The following ABCG8 variants were observed in gnomAD, a reference collection of about 807,000 sequenced individuals.
ABCG8 encodes ATP binding cassette subfamily G member 8.
A neutral mutation model predicts 71.3 loss-of-function variants in ABCG8; 81 were observed. That is an observed-to-expected ratio of 1.14 (90% CI 0.95 to 1.37). ABCG8 has a LOEUF of 1.37. Ranked by LOEUF, ABCG8 falls within the 40% of genes most tolerant of loss-of-function variation. The pLI is 0.00. For missense variants in ABCG8, 1,119 were observed against 866.2 expected, an observed-to-expected ratio of 1.29 and a Z score of -3.66; for synonymous variants, 451 against 354.7, an observed-to-expected ratio of 1.27 and a Z score of -3.05.
At chr2:43,870,002 G>T (rs749436541) in intron 6 of ABCG8, among the ~76,000 whole-genome samples, 2 of 151,964 alleles carry the variant, frequency 1.3e-5, no homozygotes, top group African/African-American at 2.4e-5. Flanking sequence ...TATCTGGATA[G>T]AATTCTCACC....
intron 8 of ABCG8, 97 bp from the exon 9 acceptor site, chr2:43,873,690 T>C (rs1203458685): frequency 4.0e-6 from 5 of 1,246,654 alleles, no homozygotes; most frequent in African/African-American, 1.5e-5. Flanking sequence ...CCATTTTGCA[T>C]AGGAGAAAAA....
chr2:43,877,709 G>A (rs777393753), intron 12 of ABCG8, 21 bp downstream of exon 12: 1 of 1,614,046 alleles, frequency 6.2e-7, no homozygotes, highest in Non-Finnish European at 8.5e-7. Flanking sequence ...AAGGCCTCGG[G>A]TTCTAAATTA....
In ABCG8 at chr2:43,846,172, G is replaced by T. The variant is rs1668736742; in HGVS notation, c.183G>T (p.Gln61His). Residue 61 changes from glutamine to histidine, a missense_variant, in exon 3 of 13, where the codon CAG becomes CAT. By Grantham distance (24) the Gln-to-His change is conservative. Coordinates refer to ENST00000272286, the MANE Select transcript of ABCG8 (RefSeq NM_022437.3). ...DLNYQVDLAS[Q>H]VPWFEQLAQF... is the part of the protein sequence containing the mutation. ...CCCCACAGGTGGACCTGGCCTCTCA[G>T]GTCCCTTGGTTTGAGCAGCTGGCTC... The T allele has an allele frequency of 3.7e-6, 6 of 1,613,644 alleles. No homozygotes were observed. Among genetic ancestry groups the T allele is most frequent in the Non-Finnish European group, 5.1e-6 (6 of 1,180,018 alleles).
intron 3 of ABCG8, among the ~76,000 whole-genome samples, chr2:43,850,746 C>G (rs1021860959): frequency 6.6e-6 from 1 of 152,100 alleles, no homozygotes; most frequent in Non-Finnish European, 1.5e-5. Context: ...AACCCTGTCT[C>G]TACTAAAAAT....
At chr2:43,877,130 A>T in intron 11 of ABCG8, among the ~76,000 whole-genome samples, 1 of 150,696 alleles carries the variant, frequency 6.6e-6, no homozygotes, top group East Asian at 2.0e-4. Flanking sequence ...ATATGGGGAG[A>T]CCGTGGGAAT....
At chr2:43,861,084 A>G (rs1445845614) in intron 6 of ABCG8, among the ~76,000 whole-genome samples, 1 of 151,308 alleles carries the variant, frequency 6.6e-6, no homozygotes, top group Non-Finnish European at 1.5e-5. Context: ...CTATATGGAA[A>G]TAACTCTCAC....
chr2:43,865,154 ATCTG>A (rs1364468940), intron 6 of ABCG8, among the ~76,000 whole-genome samples: 2 of 151,162 alleles, frequency 1.3e-5, no homozygotes, highest in African/African-American at 4.9e-5. Context: ...AACTCTCACT[ATCTG>A]TCTATGTAGA....
At chr2:43,856,080 G>A (rs1195576964) in intron 6 of ABCG8, among the ~76,000 whole-genome samples, 1 of 151,568 alleles carries the variant, frequency 6.6e-6, no homozygotes, top group African/African-American at 2.4e-5. Flanking sequence ...CTCACCCTCT[G>A]GATACAGTTC....
chr2:43,847,635 A>C (rs1265569275), intron 3 of ABCG8: 1 of 152,022 alleles, frequency 6.6e-6, no homozygotes, highest in Non-Finnish European at 1.5e-5. Context: ...TGAACCTGGG[A>C]GGTGGAGCTT....
In ABCG8 at chr2:43,872,448, T is replaced by C. The variant is rs991147985; in HGVS notation, c.1211+142T>C. On this transcript the variant is annotated intron_variant, in intron 8 of 12. Coordinates refer to ENST00000272286, the MANE Select transcript of ABCG8 (RefSeq NM_022437.3). ...GAAAAAAACAGCATCCAGCAGGGCG[T>C]TGGTGGCTTATGCCTGTAATCCCAG... 57 of 997,952 alleles carry C rather than the reference T, an allele frequency of 5.7e-5. 2 individuals are homozygous for C. In the South Asian group the frequency reaches 7.7e-4, roughly 13 times the overall value. 61.8% of individuals were successfully genotyped at this position (997,952 alleles called of 1,614,324 possible). A position where few individuals can be genotyped will look rare whatever the true frequency, so the allele number is the denominator to read the frequency against.
At chr2:43,859,465 G>T (rs1283379807) in intron 6 of ABCG8, among the ~76,000 whole-genome samples, 1 of 150,438 alleles carries the variant, frequency 6.6e-6, no homozygotes, top group East Asian at 2.0e-4. Flanking sequence ...CTTACTATCT[G>T]GATAGAATTC....
At chr2:43,854,920 G>C (rs1572838994) in intron 6 of ABCG8, among the ~76,000 whole-genome samples, 1 of 152,166 alleles carries the variant, frequency 6.6e-6, no homozygotes, top group Non-Finnish European at 1.5e-5. Context: ...TAGGAGGCAG[G>C]GGCTGATCAG....
At chr2:43,874,741 C>T (rs1482916677) in intron 10 of ABCG8, among the ~76,000 whole-genome samples, 3 of 152,128 alleles carry the variant, frequency 2.0e-5, no homozygotes, top group Non-Finnish European at 4.4e-5. Context: ...AAAAGAAGTC[C>T]TCATTGTATT....
intron 3 of ABCG8, among the ~76,000 whole-genome samples, chr2:43,848,756 C>T (rs111371602): frequency 6.1e-4 from 93 of 152,186 alleles, no homozygotes; most frequent in African/African-American, 2.1e-3. Context: ...TGGCTCATGC[C>T]TGTAATCCCA....
intron 4 of ABCG8, 137 bp from the exon 5 acceptor site, chr2:43,852,217 G>A: frequency 8.2e-7 from 1 of 1,225,886 alleles, no homozygotes; most frequent in Non-Finnish European, 1.2e-6. Flanking sequence ...TTGCAGCTTG[G>A]AACTCAAGTG....
intron 6 of ABCG8, among the ~76,000 whole-genome samples, chr2:43,869,676 T>A (rs1308137858): frequency 3.3e-5 from 5 of 152,082 alleles, no homozygotes; most frequent in Non-Finnish European, 7.4e-5. Context: ...TCTATCTGGA[T>A]AGAATTCTCC....
At chr2:43,872,780 A>C (rs988208938) in intron 8 of ABCG8, among the ~76,000 whole-genome samples, 2 of 152,210 alleles carry the variant, frequency 1.3e-5, no homozygotes, top group African/African-American at 2.4e-5. Flanking sequence ...TATTGCTTTT[A>C]TTCTTTAAGC....
At chr2:43,871,582 T>C (rs573181065) in intron 6 of ABCG8, among the ~76,000 whole-genome samples, 3 of 152,048 alleles carry the variant, frequency 2.0e-5, no homozygotes, top group African/African-American at 7.2e-5. Flanking sequence ...TGAGTCCTCA[T>C]TAAAGCTTCC....
intron 6 of ABCG8, among the ~76,000 whole-genome samples, chr2:43,853,429 G>T (rs548245769): frequency 1.3e-5 from 2 of 152,188 alleles, no homozygotes; most frequent in African/African-American, 4.8e-5. Context: ...TTCTGCAGGG[G>T]ACAGTTGCCT....
Sources: gnomAD v4.1 joint callset for allele counts (sites outside exome capture counted in the v4.1 genomes callset) on GRCh38, gnomAD v4.1.1 for gene constraint, MANE v1.5 for transcripts, NCBI Gene and HGNC (gene_info 2026-07-23, HGNC 2026-07-21) for gene names.